The following PSMA2 variants were observed in gnomAD, a reference collection of about 807,000 sequenced individuals.
PSMA2 encodes proteasome 20S subunit alpha 2.
A neutral mutation model predicts 35.9 loss-of-function variants in PSMA2; 2 were observed. The ratio of observed to expected loss-of-function variants is 0.06; its 90% CI spans 0.02 to 0.18. The LOEUF is 0.18. PSMA2 is among the 10% of genes least tolerant of loss of function. The probability of loss-of-function intolerance (pLI) is 1.00; values close to 1 mark genes in which losing one functional copy is unlikely to be tolerated. For missense variants in PSMA2, 126 were observed against 278.8 expected, an observed-to-expected ratio of 0.45 and a Z score of 3.90; for synonymous variants, 97 against 98.2, an observed-to-expected ratio of 0.99 and a Z score of 0.07.
At position 42,917,482 on chromosome 7, in the gene PSMA2, A is replaced by G. The variant is rs549185684; in HGVS notation, c.*92T>C. 4.4e-6 allele frequency: 4 copies of G among 915,914 alleles called. No individual in the cohort carries two copies. Among genetic ancestry groups the G allele is most frequent in the East Asian group, 2.4e-5 (1 of 41,064 alleles). The allele number at this position is 915,914 out of a possible 1,614,324, so 56.7% of individuals were successfully genotyped here. A position where few individuals can be genotyped will look rare whatever the true frequency, so the allele number is the denominator to read the frequency against. ...AGTCGATTTAAACCATGTAGAAATA[A>G]GTATGCAAAAAGTCTGCAAAACAAA... On this transcript the variant is annotated 3_prime_UTR_variant, in exon 8 of 8. Coordinates refer to ENST00000223321, the MANE Select transcript of PSMA2 (RefSeq NM_002787.5).
chr7:42,919,419 A>C (rs1786088396), intron 6 of PSMA2: 1 of 555,792 alleles, frequency 1.8e-6, no homozygotes, highest in Non-Finnish European at 3.6e-6. Flanking sequence ...ACTGTTTTGC[A>C]TATATGACTT....
At chr7:42,925,793 T>C (rs1408303451) in intron 3 of PSMA2, among the ~76,000 whole-genome samples, 1 of 152,220 alleles carries the variant, frequency 6.6e-6, no homozygotes, top group Non-Finnish European at 1.5e-5. Flanking sequence ...GTATCCAGCC[T>C]ATATAGTGGT....
chr7:42,920,524 A>G (rs1252810491), intron 6 of PSMA2: 2 of 152,286 alleles, frequency 1.3e-5, no homozygotes, highest in Non-Finnish European at 2.9e-5. Flanking sequence ...TAACTGGTTT[A>G]ATTTCTTTCA....
chr7:42,921,693 C>A (rs2128673797), intron 6 of PSMA2, 165 bp downstream of exon 6: 1 of 439,300 alleles, frequency 2.3e-6, no homozygotes, highest in East Asian at 3.3e-5. Flanking sequence ...ATACTGAAGT[C>A]TAGGAAACTA....
chr7:42,927,566 T>C (rs1786232631), intron 1 of PSMA2, 107 bp from the exon 2 acceptor site: 1 of 1,077,788 alleles, frequency 9.3e-7, no homozygotes, highest in African/African-American at 1.6e-5. Context: ...TTTATCCAAC[T>C]CCAGGGAGTA....
In PSMA2 at chr7:42,917,170, C is replaced by T; in HGVS notation, c.*404G>A. ...TCTTGTTCCATGAATCCGTGAAAGT[C>T]TGCAGATCCTCCCAGCTCTAGAAGC... is the stretch of plus-strand genomic sequence containing the variant. On this transcript the variant is annotated 3_prime_UTR_variant, in exon 8 of 8. Transcript: ENST00000223321. 5.9e-6 allele frequency: 1 copy of T among 169,976 alleles called. No individual in the cohort carries two copies. Among genetic ancestry groups the T allele is most frequent in the Non-Finnish European group, 1.3e-5 (1 of 79,466 alleles). The allele number at this position is 169,976 out of a possible 1,614,324, so 10.5% of individuals were successfully genotyped here.
At chr7:42,920,015 C>G (rs1176062734) in intron 6 of PSMA2, 4 of 705,246 alleles carry the variant, frequency 5.7e-6, no homozygotes, top group Admixed American at 3.7e-5. Flanking sequence ...TTTCCAAAGA[C>G]AAGAGAAGAG....
rs1786047168 is a variant in PSMA2 at position 42,917,329 on chromosome 7, G to A, written c.*245C>T. On this transcript the variant is annotated 3_prime_UTR_variant, in exon 8 of 8. Transcript: ENST00000223321. Reference sequence around the variant, plus strand: ...AAAAGTCATTTCATCATTCTGCTTGGCAATGTAGTCTTCAGAAATCAACTG... The same window carrying A: ...AAAAGTCATTTCATCATTCTGCTTGACAATGTAGTCTTCAGAAATCAACTG... 2 of 347,044 alleles carry A rather than the reference G, an allele frequency of 5.8e-6. No homozygotes were observed. The highest frequency in any genetic ancestry group is 5.0e-5 in the South Asian group (1 of 19,878). The allele number at this position is 347,044 out of a possible 1,614,324, so 21.5% of individuals were successfully genotyped here.
chr7:42,929,773 T>C (rs1043632659), intron 1 of PSMA2, among the ~76,000 whole-genome samples: 2 of 152,220 alleles, frequency 1.3e-5, no homozygotes, highest in Non-Finnish European at 1.5e-5. Flanking sequence ...CATTATCTCC[T>C]TGCTCACTAT....
chr7:42,931,282 C>T (rs1786305650), intron 1 of PSMA2: 3 of 281,826 alleles, frequency 1.1e-5, no homozygotes, highest in Non-Finnish European at 2.2e-5. Flanking sequence ...TTTAAGTAAA[C>T]TGGGCATTAC....
rs1786041593 is a variant in PSMA2, at chr7:42,917,023, T to C, written c.*551A>G. On this transcript the variant is annotated 3_prime_UTR_variant, in exon 8 of 8. Transcript: ENST00000223321. The stretch of plus-strand genomic sequence containing the variant: ...AACCATTGTTTATTTATTTACATAA[T>C]GTATCTCCCATGGAGACCTATTTGG... 6.6e-6 allele frequency: 1 copy of C among 152,240 alleles called. No homozygotes were observed. Among genetic ancestry groups the C allele is most frequent in the South Asian group, 2.1e-4 (1 of 4,834 alleles). 9.4% of individuals were successfully genotyped at this position (152,240 alleles called of 1,614,324 possible). A position where few individuals can be genotyped will look rare whatever the true frequency, so the allele number is the denominator to read the frequency against.
intron 6 of PSMA2, chr7:42,920,656 A>T (rs374541010): frequency 6.6e-6 from 1 of 152,230 alleles, no homozygotes; most frequent in Non-Finnish European, 1.5e-5. Flanking sequence ...TGGAAGACTC[A>T]TTAATATATA....
intron 3 of PSMA2, among the ~76,000 whole-genome samples, chr7:42,925,583 C>G (rs1267070254): frequency 3.3e-5 from 5 of 152,162 alleles, no homozygotes; most frequent in Non-Finnish European, 5.9e-5. Context: ...ATGACCCTGT[C>G]TCTTAAAATT....
chr7:42,926,544 G>C lies in PSMA2; in HGVS notation c.243C>G (p.Pro81=), dbSNP rs773084343. ...HIGLVYSGMG[P]DYRVLVHRAR... ...TAAAAAGTATAAAGTACCTGTAATCGGGGCCCATGCCACTGTACACCAAAC... is the reference window on the plus strand; with the variant it reads ...TAAAAAGTATAAAGTACCTGTAATCCGGGCCCATGCCACTGTACACCAAAC... Residue 81 remains proline, a synonymous_variant, in exon 3 of 8, where the codon CCC becomes CCG. Transcript: ENST00000223321. 7 of 1,579,600 alleles carry C rather than the reference G, an allele frequency of 4.4e-6. No individual in the cohort carries two copies. Among genetic ancestry groups the C allele is most frequent in the African/African-American group, 2.8e-5 (2 of 72,630 alleles).
intron 1 of PSMA2, among the ~76,000 whole-genome samples, chr7:42,929,385 C>A (rs1047823546): frequency 7.9e-5 from 12 of 152,264 alleles, no homozygotes; most frequent in Admixed American, 3.3e-4. Flanking sequence ...AATTCATATA[C>A]CCCTGGGTAA....
chr7:42,926,401 G>T, intron 3 of PSMA2, 135 bp downstream of exon 3: 1 of 1,030,280 alleles, frequency 9.7e-7, no homozygotes, highest in Non-Finnish European at 1.4e-6. Flanking sequence ...CAACGAGGCT[G>T]CTATTGCTAA....
chr7:42,923,248 T>C (rs895160151), intron 5 of PSMA2, 77 bp downstream of exon 5: 1 of 1,132,250 alleles, frequency 8.8e-7, no homozygotes. Context: ...ATTGTAAAGT[T>C]TTTATGGCTT....
intron 4 of PSMA2, among the ~76,000 whole-genome samples, 194 bp from the exon 5 acceptor site, chr7:42,923,600 TA>T (rs1225056425): frequency 2.6e-5 from 4 of 152,240 alleles, no homozygotes; most frequent in African/African-American, 9.6e-5. Context: ...TGAGGAATGG[TA>T]GCCAAATAAA....
intron 3 of PSMA2, 106 bp downstream of exon 3, chr7:42,926,430 G>T: frequency 7.6e-7 from 1 of 1,318,508 alleles, no homozygotes; most frequent in Non-Finnish European, 1.0e-6. Flanking sequence ...CACAAAAAAA[G>T]AGGAACTGGA....
Sources: gnomAD v4.1 joint callset for allele counts (sites outside exome capture counted in the v4.1 genomes callset) on GRCh38, gnomAD v4.1.1 for gene constraint, MANE v1.5 for transcripts, NCBI Gene and HGNC (gene_info 2026-07-23, HGNC 2026-07-21) for gene names.